EDIL3: variants seen among roughly 807,000 people sequenced by gnomAD.
EDIL3 encodes EGF-like repeat and discoidin I-like domain-containing protein 3.
EDIL3 carries 37 observed loss-of-function variants against 67.4 expected under a neutral mutation model. The ratio of observed to expected loss-of-function variants is 0.55; its 90% CI spans 0.42 to 0.72. The LOEUF (loss-of-function observed/expected upper bound fraction) is 0.72. Among genes scored for constraint, EDIL3 ranks in the 30% least tolerant of loss-of-function variants. The probability of loss-of-function intolerance (pLI) is 0.00; values close to 1 mark genes in which losing one functional copy is unlikely to be tolerated. For missense variants in EDIL3, 527 were observed against 586.3 expected, an observed-to-expected ratio of 0.90 and a Z score of 1.04; for synonymous variants, 195 against 196.3, an observed-to-expected ratio of 0.99 and a Z score of 0.05.
At chr5:84,307,572 C>T (rs985821235) in intron 1 of EDIL3, among the ~76,000 whole-genome samples, 1 of 152,104 alleles carries the variant, frequency 6.6e-6, no homozygotes, top group Non-Finnish European at 1.5e-5. Context: ...ATTGCGCCAG[C>T]AACTGTAGGC....
At chr5:84,024,194 G>A (rs746833399) in intron 9 of EDIL3, among the ~76,000 whole-genome samples, 3 of 152,012 alleles carry the variant, frequency 2.0e-5, no homozygotes, top group Non-Finnish European at 4.4e-5. Flanking sequence ...ATAGAAAATC[G>A]CTCTCCAAGT....
At chr5:84,194,961 C>T (rs1428083091) in intron 3 of EDIL3, among the ~76,000 whole-genome samples, 1 of 151,926 alleles carries the variant, frequency 6.6e-6, no homozygotes, top group African/African-American at 2.4e-5. Context: ...GACACTGACA[C>T]TGTATTTAAT....
At chr5:84,379,817 G>A (rs936628588) in intron 1 of EDIL3, among the ~76,000 whole-genome samples, 6 of 152,018 alleles carry the variant, frequency 3.9e-5, no homozygotes, top group African/African-American at 4.8e-5. Flanking sequence ...CATTAGTTTC[G>A]TAAAGAGTAG....
chr5:83,947,461 C>T (rs1417902802), intron 10 of EDIL3, among the ~76,000 whole-genome samples: 1 of 151,050 alleles, frequency 6.6e-6, no homozygotes, highest in Non-Finnish European at 1.5e-5. Flanking sequence ...TAATTTCAAT[C>T]CTTTGAGCTT....
intron 5 of EDIL3, among the ~76,000 whole-genome samples, chr5:84,120,070 A>G (rs348907): frequency 0.31 from 46,472 of 151,916 alleles, 7,685 homozygotes; most frequent in Non-Finnish European, 0.37. Context: ...AAAACTATGC[A>G]TAACTATTGA....
chr5:84,169,138 G>A (rs1748765099), intron 4 of EDIL3, among the ~76,000 whole-genome samples: 1 of 151,818 alleles, frequency 6.6e-6, no homozygotes, highest in Non-Finnish European at 1.5e-5. Context: ...CAGCACTCAC[G>A]CCCCTTTGTT....
chr5:84,319,287 C>T lies in EDIL3; in HGVS notation c.67+65021G>A, dbSNP rs1186615614. Among the ~76,000 whole-genome samples, 5 of 76,674 alleles carry T rather than the reference C, an allele frequency of 6.5e-5. 1 individual carries two copies. The highest frequency in any genetic ancestry group is 4.8e-4 in the Admixed American group (4 of 8,378). The allele number at this position is 76,674 out of a possible 152,430, so 50.3% of individuals were successfully genotyped here. A position where few individuals can be genotyped will look rare whatever the true frequency, so the allele number is the denominator to read the frequency against. The stretch of plus-strand genomic sequence containing the variant: ...GGAGATCGAGACCACGGTGAAACCC[C>T]GTCTCTACTAAAAATACAAAAAAAA... On this transcript the variant is annotated intron_variant, in intron 1 of 10. Coordinates refer to ENST00000296591, the MANE Select transcript of EDIL3 (RefSeq NM_005711.5).
chr5:84,111,198 GC>G (rs1034975994), intron 5 of EDIL3, among the ~76,000 whole-genome samples: 7 of 152,070 alleles, frequency 4.6e-5, no homozygotes, highest in African/African-American at 1.4e-4. Flanking sequence ...TTCCTATACA[GC>G]TTGTGGAATG....
chr5:84,285,839 T>G (rs1488628198), intron 1 of EDIL3, among the ~76,000 whole-genome samples: 1 of 152,198 alleles, frequency 6.6e-6, no homozygotes, highest in Admixed American at 6.5e-5. Context: ...TCATGGTGAC[T>G]ATTCTGTCAG....
intron 1 of EDIL3, among the ~76,000 whole-genome samples, chr5:84,378,168 T>C (rs1006307446): frequency 6.6e-6 from 1 of 152,234 alleles, no homozygotes; most frequent in African/African-American, 2.4e-5. Context: ...AATAAGTACA[T>C]TGTTCAGATA....
At chr5:84,308,026 A>G (rs971210906) in intron 1 of EDIL3, among the ~76,000 whole-genome samples, 2 of 152,186 alleles carry the variant, frequency 1.3e-5, no homozygotes, top group Non-Finnish European at 2.9e-5. Flanking sequence ...TATTTTAGAG[A>G]TATAATTCTG....
intron 6 of EDIL3, among the ~76,000 whole-genome samples, chr5:84,069,040 T>C (rs1178996448): frequency 6.6e-6 from 1 of 152,200 alleles, no homozygotes; most frequent in East Asian, 1.9e-4. Context: ...TTAATTTTAT[T>C]CTCCCTGTAT....
At chr5:83,961,156 G>A (rs1744600054) in intron 10 of EDIL3, among the ~76,000 whole-genome samples, 1 of 150,858 alleles carries the variant, frequency 6.6e-6, no homozygotes, top group South Asian at 2.1e-4. Flanking sequence ...AATGAAAAAG[G>A]GTTGATTTGA....
chr5:84,029,858 G>A (rs764237048), intron 9 of EDIL3, among the ~76,000 whole-genome samples: 33 of 152,124 alleles, frequency 2.2e-4, no homozygotes, highest in Non-Finnish European at 3.8e-4. Context: ...TTAAAAAATT[G>A]CACCCAGGGA....
intron 1 of EDIL3, among the ~76,000 whole-genome samples, chr5:84,353,278 C>T (rs2112191944): frequency 6.6e-6 from 1 of 152,252 alleles, no homozygotes; most frequent in East Asian, 1.9e-4. Context: ...ATTATAGACA[C>T]ACTTTTGTGT....
intron 9 of EDIL3, among the ~76,000 whole-genome samples, chr5:84,039,627 G>C (rs1277561905): frequency 6.6e-6 from 1 of 152,000 alleles, no homozygotes; most frequent in Non-Finnish European, 1.5e-5. Flanking sequence ...AAATGTACCA[G>C]GGAAATGAAA....
chr5:84,244,444 A>ATT lies in EDIL3; in HGVS notation c.196+9638_196+9639dup, dbSNP rs527421932. ...CAGGTGTGCACCACCACACCTGGCT[A>ATT]TTTTTTTTTTTTTTTTGTATTTTTA... On this transcript the variant is annotated intron_variant, in intron 2 of 10. Coordinates refer to ENST00000296591, the MANE Select transcript of EDIL3 (RefSeq NM_005711.5). 6.4e-4 allele frequency among the ~76,000 whole-genome samples: 84 copies of ATT among 131,712 alleles called. 4 individuals are homozygous for ATT. The highest frequency in any genetic ancestry group is 1.8e-3 in the Admixed American group (24 of 12,974). The allele number at this position is 131,712 out of a possible 152,430, so 86.4% of individuals were successfully genotyped here. A position where few individuals can be genotyped will look rare whatever the true frequency, so the allele number is the denominator to read the frequency against.
intron 9 of EDIL3, among the ~76,000 whole-genome samples, chr5:84,023,895 AT>A (rs1271086716): frequency 6.6e-6 from 1 of 152,162 alleles, no homozygotes; most frequent in Admixed American, 6.6e-5. Context: ...AAATGACACA[AT>A]AGCACTGCAC....
chr5:84,045,842 A>T (rs532343541), intron 9 of EDIL3, among the ~76,000 whole-genome samples: 4 of 152,250 alleles, frequency 2.6e-5, no homozygotes, highest in Non-Finnish European at 4.4e-5. Context: ...TTTTGATATC[A>T]GCCAGCAAAT....
Sources: allele counts gnomAD v4.1 joint callset (sites outside exome capture counted in the v4.1 genomes callset), GRCh38; gene constraint gnomAD v4.1.1; transcripts MANE v1.5; gene names NCBI Gene and HGNC (gene_info 2026-07-23, HGNC 2026-07-21).